PPA2: variants seen among roughly 807,000 people sequenced by gnomAD.
The protein encoded by PPA2 is inorganic pyrophosphatase 2, mitochondrial.
In PPA2, 48 loss-of-function variants were observed where a neutral mutation model predicts 49.5. The observed-to-expected ratio is 0.97, with a 90% CI of 0.77 to 1.23. The LOEUF (loss-of-function observed/expected upper bound fraction) is 1.23, where lower values mean the gene tolerates loss of function less well. Among genes scored for constraint, PPA2 ranks in the 50% most tolerant of loss-of-function variants. PPA2 has a pLI of 0.00. For missense variants in PPA2, 429 were observed against 410.1 expected (o/e 1.05, Z -0.40); for synonymous variants, 131 against 139.9 (o/e 0.94, Z 0.45).
chr4:105,384,227 G>A (rs1733600632), intron 10 of PPA2, among the ~76,000 whole-genome samples: 1 of 152,110 alleles, frequency 6.6e-6, no homozygotes, highest in South Asian at 2.1e-4. Flanking sequence ...AAGAGGCACT[G>A]GTTTCTCTAA....
intron 7 of PPA2, among the ~76,000 whole-genome samples, chr4:105,421,853 G>T (rs1457493745): frequency 6.6e-6 from 1 of 152,060 alleles, no homozygotes; most frequent in Non-Finnish European, 1.5e-5. Context: ...GACCAGCCTG[G>T]TTAACACGGT....
chr4:105,379,871 C>G (rs932566059), intron 10 of PPA2, among the ~76,000 whole-genome samples: 1 of 152,030 alleles, frequency 6.6e-6, no homozygotes, highest in Non-Finnish European at 1.5e-5. Flanking sequence ...TGACCTCAAG[C>G]AATCCACCTA....
At chr4:105,454,714 C>A (rs1194808407) in intron 2 of PPA2, among the ~76,000 whole-genome samples, 1 of 152,146 alleles carries the variant, frequency 6.6e-6, no homozygotes, top group Non-Finnish European at 1.5e-5. Context: ...CTAGGGAAAC[C>A]TATTTACACA....
At position 105,391,522 on chromosome 4, in the gene PPA2, A is replaced by G. The variant is rs191366046; in HGVS notation, c.869+4727T>C. On this transcript the variant is annotated intron_variant, in intron 9 of 11. Transcript: ENST00000341695. ...TCCTGCTATTGAGTGCTGAGGTAAA[A>G]ACTCAATACAAAGTATTAAAAAAAA... Among the ~76,000 whole-genome samples, 248 of 141,868 alleles carry G rather than the reference A, an allele frequency of 1.7e-3. 1 individual carries two copies. Among genetic ancestry groups the G allele is most frequent in the Non-Finnish European group, 1.1e-3 (70 of 63,536 alleles). 93.1% of individuals were successfully genotyped at this position (141,868 alleles called of 152,430 possible).
intron 10 of PPA2, among the ~76,000 whole-genome samples, chr4:105,373,215 C>T (rs1203219956): frequency 6.6e-6 from 1 of 152,110 alleles, no homozygotes; most frequent in Admixed American, 6.5e-5. Context: ...TCAGTTTGTG[C>T]ACAAAGAAAA....
At chr4:105,401,151 G>A (rs978881330) in intron 7 of PPA2, among the ~76,000 whole-genome samples, 2 of 152,020 alleles carry the variant, frequency 1.3e-5, no homozygotes, top group African/African-American at 4.8e-5. Context: ...TTTATGAAAA[G>A]CATACATAGA....
chr4:105,435,641 G>A (rs1315296700), intron 6 of PPA2, among the ~76,000 whole-genome samples: 2 of 152,074 alleles, frequency 1.3e-5, no homozygotes, highest in Non-Finnish European at 2.9e-5. Context: ...GGAATGCAAG[G>A]ATGGTTGAAC....
chr4:105,397,455 T>C (rs1734194143), intron 8 of PPA2, among the ~76,000 whole-genome samples: 2 of 152,158 alleles, frequency 1.3e-5, no homozygotes, highest in Admixed American at 1.3e-4. Flanking sequence ...ATTTCAATAC[T>C]TGTTTAAAGG....
intron 1 of PPA2, chr4:105,473,487 G>T: frequency 2.4e-6 from 1 of 418,500 alleles, no homozygotes; most frequent in South Asian, 1.8e-5. Flanking sequence ...TAGGAAGGCC[G>T]GCGTGTGGGC....
chr4:105,449,441 A>C, intron 3 of PPA2, 38 bp from the exon 4 acceptor site: 1 of 1,374,864 alleles, frequency 7.3e-7, no homozygotes, highest in Non-Finnish European at 1.0e-6. Flanking sequence ...AACATTAAAA[A>C]TTTTACCTTT....
chr4:105,431,516 G>A (rs999443714), intron 6 of PPA2, among the ~76,000 whole-genome samples: 1 of 152,148 alleles, frequency 6.6e-6, no homozygotes, highest in Non-Finnish European at 1.5e-5. Context: ...ACATGCTGGG[G>A]AAAACAGTTT....
chr4:105,372,237 G>C (rs570064948), intron 10 of PPA2, among the ~76,000 whole-genome samples: 2 of 152,188 alleles, frequency 1.3e-5, no homozygotes, highest in Non-Finnish European at 1.5e-5. Context: ...ATGTGGTCTA[G>C]AATGGGGGCA....
intron 10 of PPA2, among the ~76,000 whole-genome samples, chr4:105,374,827 GC>G (rs1405561707): frequency 4.0e-5 from 6 of 151,408 alleles, no homozygotes; most frequent in Non-Finnish European, 8.8e-5. Flanking sequence ...GAATTAAAGT[GC>G]CTTGGACATT....
At chr4:105,372,822 A>G (rs1733080218) in intron 10 of PPA2, among the ~76,000 whole-genome samples, 1 of 152,228 alleles carries the variant, frequency 6.6e-6, no homozygotes, top group Non-Finnish European at 1.5e-5. Context: ...GTATATGCAC[A>G]TCCAATTGGT....
At chr4:105,421,669 A>C (rs1374802460) in intron 7 of PPA2, among the ~76,000 whole-genome samples, 1 of 152,232 alleles carries the variant, frequency 6.6e-6, no homozygotes, top group African/African-American at 2.4e-5. Context: ...AGTAAAGAAG[A>C]AAATTCAACA....
At chr4:105,401,058 T>G (rs1270354657) in intron 7 of PPA2, among the ~76,000 whole-genome samples, 1 of 152,176 alleles carries the variant, frequency 6.6e-6, no homozygotes, top group Non-Finnish European at 1.5e-5. Flanking sequence ...AGCCAAATTC[T>G]TATATCCAAT....
At chr4:105,443,531 T>C (rs928958720) in intron 5 of PPA2, among the ~76,000 whole-genome samples, 4 of 150,470 alleles carry the variant, frequency 2.7e-5, no homozygotes, top group African/African-American at 9.8e-5. Context: ...CTTAAAAACA[T>C]CATTCAATTT....
intron 9 of PPA2, among the ~76,000 whole-genome samples, chr4:105,395,134 A>G (rs369044734): frequency 3.3e-5 from 5 of 151,940 alleles, no homozygotes; most frequent in African/African-American, 1.2e-4. Flanking sequence ...AAGGCCAAGG[A>G]GTTGACAGTG....
At chr4:105,406,113 T>TC (rs1491363824) in intron 7 of PPA2, among the ~76,000 whole-genome samples, 1 of 30,960 alleles carries the variant, frequency 3.2e-5, no homozygotes, top group African/African-American at 1.2e-4. Flanking sequence ...CTATAAAACT[T>TC]CAAAAAAAAA....
Sources: allele counts gnomAD v4.1 joint callset (sites outside exome capture counted in the v4.1 genomes callset), GRCh38; gene constraint gnomAD v4.1.1; transcripts MANE v1.5; gene names NCBI Gene and HGNC (gene_info 2026-07-23, HGNC 2026-07-21).